Variants in WDR72 observed in about 807,000 individuals in gnomAD.
WDR72 encodes the protein WD repeat domain 72.
A neutral mutation model predicts 124.2 loss-of-function variants in WDR72; 120 were observed. The observed-to-expected ratio is 0.97, with a 90% CI of 0.83 to 1.12. WDR72 has a LOEUF of 1.12. Among genes scored for constraint, WDR72 ranks in the 50% most tolerant of loss-of-function variants. WDR72 has a pLI of 0.00. For synonymous variants in WDR72, 452 were observed against 441.7 expected, an observed-to-expected ratio of 1.02 and a Z score of -0.29; for missense variants, 1,387 against 1,278.8, an observed-to-expected ratio of 1.08 and a Z score of -1.29.
chr15:53,617,345 T>A, intron 14 of WDR72, among the ~76,000 whole-genome samples: 1 of 151,644 alleles, frequency 6.6e-6, no homozygotes, highest in African/African-American at 2.4e-5. Context: ...TAGTTAACAT[T>A]TAATTGGGAA....
chr15:53,540,571 G>GAAAAAA (rs5812690), intron 18 of WDR72, among the ~76,000 whole-genome samples: 3 of 135,098 alleles, frequency 2.2e-5, no homozygotes, highest in Admixed American at 7.2e-5. Context: ...AAGGAAGAAA[G>GAAAAAA]AAAAAAAAAA....
rs879643288 is a variant in WDR72 at position 53,545,754 on chromosome 15, A to C, written c.3149-22432T>G. Among the ~76,000 whole-genome samples the C allele has an allele frequency of 7.0e-3, 906 of 129,326 alleles. 22 individuals are homozygous for C. The highest frequency in any genetic ancestry group is 0.067 in the East Asian group (329 of 4,924). The allele number at this position is 129,326 out of a possible 152,430, so 84.8% of individuals were successfully genotyped here. On this transcript the variant is annotated intron_variant, in intron 18 of 19. Transcript: ENST00000360509. ...CTACAAAATGGGAGAAAATTTTCGC[A>C]ACCTACTCATCTGACAAAGGGCTAA...
At chr15:53,652,603 G>A (rs2015280420) in intron 14 of WDR72, among the ~76,000 whole-genome samples, 1 of 152,092 alleles carries the variant, frequency 6.6e-6, no homozygotes, top group South Asian at 2.1e-4. Context: ...GTTTTGTATT[G>A]AGGGGAGGGC....
chr15:53,621,449 A>ATATG (rs1168185246), intron 14 of WDR72, among the ~76,000 whole-genome samples: 2 of 143,608 alleles, frequency 1.4e-5, no homozygotes, highest in East Asian at 4.0e-4. Context: ...ATATATATAT[A>ATATG]TATATATATG....
chr15:53,548,449 C>A (rs766638453), intron 18 of WDR72, among the ~76,000 whole-genome samples: 2 of 152,100 alleles, frequency 1.3e-5, no homozygotes, highest in Non-Finnish European at 2.9e-5. Flanking sequence ...TACAGAATTT[C>A]GGCTGACTTC....
intron 18 of WDR72, among the ~76,000 whole-genome samples, chr15:53,585,962 T>C (rs1421739330): frequency 6.6e-6 from 1 of 152,206 alleles, no homozygotes; most frequent in African/African-American, 2.4e-5. Flanking sequence ...TATTCCTATG[T>C]GAAGCCTCTA....
Position 53,702,215 on chromosome 15 carries a change from G to C in WDR72, c.1488C>G (p.Ile496Met). The change falls in exon 12 of 20, where the codon ATC (isoleucine) becomes ATG (methionine). Residue 496 changes from isoleucine (I) to methionine (M), a missense_variant. By Grantham distance (10) the Ile-to-Met change is conservative. Coordinates refer to ENST00000360509, the MANE Select transcript of WDR72 (RefSeq NM_182758.4). ...DLDSCVILWD[I>M]FTEEILHKFF... is the part of the protein sequence containing the mutation. ...ATTTATGCAAAATTTCTTCAGTAAAGATATCCCACAAGATCACACATGAGT... is the reference window on the plus strand; with the variant it reads ...ATTTATGCAAAATTTCTTCAGTAAACATATCCCACAAGATCACACATGAGT... The C allele has an allele frequency of 6.2e-7, 1 of 1,614,094 alleles. No individual in the cohort carries two copies. Among genetic ancestry groups the C allele is most frequent in the Non-Finnish European group, 8.5e-7 (1 of 1,180,026 alleles).
At chr15:53,759,974 T>G (rs2019030259), upstream of WDR72, among the ~76,000 whole-genome samples, 1 of 150,282 alleles carries the variant, frequency 6.7e-6, no homozygotes, top group East Asian at 2.0e-4. Flanking sequence ...CCAGGTGACG[T>G]GAACTCTTGA....
intron 2 of WDR72, among the ~76,000 whole-genome samples, chr15:53,730,819 T>A (rs750354811): frequency 6.6e-6 from 1 of 152,152 alleles, no homozygotes; most frequent in African/African-American, 2.4e-5. Flanking sequence ...AACCACTAAG[T>A]ATTAACCCAT....
At chr15:53,716,978 A>T (rs538012122) in intron 3 of WDR72, among the ~76,000 whole-genome samples, 1 of 152,338 alleles carries the variant, frequency 6.6e-6, no homozygotes, top group Non-Finnish European at 1.5e-5. Flanking sequence ...CAGTACAACA[A>T]TCTTTCAGTG....
chr15:53,752,575 C>G (rs1054269975), intron 1 of WDR72, among the ~76,000 whole-genome samples: 1 of 152,136 alleles, frequency 6.6e-6, no homozygotes, highest in Non-Finnish European at 1.5e-5. Context: ...TCAGAAGGAA[C>G]CAACCCTGCT....
intron 16 of WDR72, among the ~76,000 whole-genome samples, chr15:53,610,594 A>G (rs922521278): frequency 1.9e-4 from 29 of 151,932 alleles, no homozygotes; most frequent in Admixed American, 1.3e-3. Context: ...ATATGAATAT[A>G]TATTTACCAC....
Sources: allele counts gnomAD v4.1 joint callset (sites outside exome capture counted in the v4.1 genomes callset), GRCh38; gene constraint gnomAD v4.1.1; transcripts MANE v1.5; gene names NCBI Gene and HGNC (gene_info 2026-07-23, HGNC 2026-07-21).